USB1: variants seen among roughly 807,000 people sequenced by gnomAD.
USB1 encodes U6 snRNA biogenesis phosphodiesterase 1.
USB1 carries 21 observed loss-of-function variants against 29.9 expected under a neutral mutation model. The observed-to-expected ratio is 0.70, with a 90% CI of 0.50 to 1.01. The LOEUF (loss-of-function observed/expected upper bound fraction) is 1.01. USB1 is among the 50% of genes least tolerant of loss of function. The probability of loss-of-function intolerance (pLI) is 0.00; values close to 1 mark genes in which losing one functional copy is unlikely to be tolerated. For synonymous variants in USB1, 143 were observed against 134.9 expected, an observed-to-expected ratio of 1.06 and a Z score of -0.42; for missense variants, 330 against 347.1, an observed-to-expected ratio of 0.95 and a Z score of 0.39.
chr16:58,010,838 G>C (rs150856515), intron 3 of USB1: 10 of 601,060 alleles, frequency 1.7e-5, no homozygotes, highest in Non-Finnish European at 3.0e-5. Flanking sequence ...ACATGGGTGC[G>C]TTCTTAATCA....
intron 3 of USB1, chr16:58,011,359 C>T: frequency 8.0e-7 from 1 of 1,251,120 alleles, no homozygotes; most frequent in Non-Finnish European, 1.0e-6. Context: ...AGTACCAGAC[C>T]CCACTTCTGG....
At chr16:58,009,454 T>C (rs1320826641) in intron 2 of USB1, among the ~76,000 whole-genome samples, 3 of 152,128 alleles carry the variant, frequency 2.0e-5, no homozygotes, top group Non-Finnish European at 4.4e-5. Context: ...GCGCAGTGGC[T>C]CACGCCTGTA....
In USB1 at chr16:58,021,408, C is replaced by T. The variant is rs1963736490; in HGVS notation, c.*1163C>T. On this transcript the variant is annotated 3_prime_UTR_variant, in exon 7 of 7. Coordinates refer to ENST00000219281, the MANE Select transcript of USB1 (RefSeq NM_024598.4). ...ACAGCCCGGGTTCTCCTGCTGCCTC[C>T]TGCCTGCTGCAGCTGCAGGCATTCT... 6.6e-6 allele frequency: 1 copy of T among 152,286 alleles called. No individual in the cohort carries two copies. The highest frequency in any genetic ancestry group is 2.1e-4 in the South Asian group (1 of 4,834). 9.4% of individuals were successfully genotyped at this position (152,286 alleles called of 1,614,324 possible).
chr16:58,011,005 T>C lies in USB1; in HGVS notation c.449+893T>C, dbSNP rs1426041656. On this transcript the variant is annotated intron_variant, in intron 3 of 6. Transcript: ENST00000219281. ...CCCAGCTTCTAATCATGCCTTGCTCTTTCTGTGATCAGCCCCCATCCAGGA... is the reference window on the plus strand; with the variant it reads ...CCCAGCTTCTAATCATGCCTTGCTCCTTCTGTGATCAGCCCCCATCCAGGA... 5 of 706,534 alleles carry C rather than the reference T, an allele frequency of 7.1e-6. No homozygotes were observed. The East Asian group carries it at 1.1e-4, about 15-fold the overall frequency. 43.8% of individuals were successfully genotyped at this position (706,534 alleles called of 1,614,324 possible).
At chr16:58,001,769 T>C (rs566220516) in intron 1 of USB1, among the ~76,000 whole-genome samples, 188 bp downstream of exon 1, 33 of 106,850 alleles carry the variant, frequency 3.1e-4, no homozygotes, top group African/African-American at 1.2e-3. Context: ...AGCTCCAGAG[T>C]GGCCCCACCT....
rs1030681511 is a variant in USB1, at chr16:58,020,471, TCTCTCTTCCTCTC to T, written c.*240_*252del. Reference sequence around the variant, plus strand: ...TCTTCTCCTCTCTTTCTCTCCTCTGTCTCTCTTCCTCTCCTCTCTTCCTCTCTTCTCTCTTCCT... The same window carrying T: ...TCTTCTCCTCTCTTTCTCTCCTCTGTCTCTCTTCCTCTCTTCTCTCTTCCT... On this transcript the variant is annotated 3_prime_UTR_variant, in exon 7 of 7. Transcript: ENST00000219281. 9 of 578,948 alleles carry T rather than the reference TCTCTCTTCCTCTC, an allele frequency of 1.6e-5. No individual in the cohort carries two copies. Among genetic ancestry groups the T allele is most frequent in the South Asian group, 5.9e-5 (3 of 50,666 alleles). 35.9% of individuals were successfully genotyped at this position (578,948 alleles called of 1,614,324 possible). A position where few individuals can be genotyped will look rare whatever the true frequency, so the allele number is the denominator to read the frequency against.
In USB1 at chr16:58,002,606, C is replaced by A. The variant is rs780752842; in HGVS notation, c.226C>A (p.His76Asn). 7.4e-6 allele frequency: 12 copies of A among 1,613,882 alleles called. No homozygotes were observed. In the African/African-American group the frequency reaches 1.2e-4, roughly 16 times the overall value. The change falls in exon 2 of 7, where the codon CAC (histidine) becomes AAC (asparagine). Residue 76 changes from histidine (H) to asparagine (N), a missense_variant. By Grantham distance (68) the His-to-Asn change is moderately conservative. Transcript: ENST00000219281. ...CGGGGGACGGGTGCGCACCTTCCCC[C>A]ACGAGCGAGGCAACTGGGCCACCCA... The part of the protein sequence containing the change: ...KHGGRVRTFP[H>N]ERGNWATHVY...
At chr16:58,011,626 C>T in intron 3 of USB1, 1 of 988,788 alleles carries the variant, frequency 1.0e-6, no homozygotes, top group Non-Finnish European at 1.2e-6. Context: ...ACACCTCCGT[C>T]CAGAGATCAG....
Position 58,002,545 on chromosome 16 carries a change from C to G in USB1, c.165C>G (p.Gly55=), listed in dbSNP as rs756831751. Residue 55 remains glycine, a synonymous_variant, in exon 2 of 7, where the codon GGC becomes GGG. Coordinates refer to ENST00000219281, the MANE Select transcript of USB1 (RefSeq NM_024598.4). ...VPDSVLNMFP[G]TEEGPEDDST... is the part of the protein sequence containing the mutation. ...ACAGTGTGCTGAACATGTTCCCGGG[C>G]ACCGAGGAGGGGCCTGAAGATGACA... The G allele has an allele frequency of 2.5e-6, 4 of 1,614,030 alleles. No homozygotes were observed. Among genetic ancestry groups the G allele is most frequent in the African/African-American group, 1.3e-5 (1 of 74,908 alleles).
chr16:58,017,174 G>C, intron 4 of USB1, 160 bp from the exon 5 acceptor site: 2 of 696,032 alleles, frequency 2.9e-6, no homozygotes, highest in South Asian at 1.6e-5. Flanking sequence ...TCTGAGGACT[G>C]AGAGAGTTGG....
chr16:58,005,883 A>G (rs1191594257), intron 2 of USB1, among the ~76,000 whole-genome samples: 1 of 152,160 alleles, frequency 6.6e-6, no homozygotes, highest in Non-Finnish European at 1.5e-5. Context: ...TAAACCCTGT[A>G]TCTTTAATTT....
intron 3 of USB1, 108 bp from the exon 4 acceptor site, chr16:58,014,165 C>G: frequency 1.1e-6 from 1 of 892,612 alleles, no homozygotes; most frequent in Non-Finnish European, 1.8e-6. Context: ...ATATGAAGTG[C>G]AAAATGAGTT....
Position 58,004,354 on chromosome 16 carries a change from C to T in USB1, c.265+1709C>T, listed in dbSNP as rs143467425. Reference sequence around the variant, plus strand: ...AACTGTTTTGATTGCTGTAACTTTACATAGTTAAGTCTCGAAGTTGGGTAG... The same window carrying T: ...AACTGTTTTGATTGCTGTAACTTTATATAGTTAAGTCTCGAAGTTGGGTAG... On this transcript the variant is annotated intron_variant, in intron 2 of 6. Transcript: ENST00000219281. 2.5e-3 allele frequency among the ~76,000 whole-genome samples: 383 copies of T among 152,308 alleles called. 1 individual carries two copies. Among genetic ancestry groups the T allele is most frequent in the Non-Finnish European group, 4.2e-3 (286 of 68,034 alleles).
At chr16:58,014,420 G>A in intron 4 of USB1, 94 bp downstream of exon 4, 1 of 1,183,470 alleles carries the variant, frequency 8.4e-7, no homozygotes, top group South Asian at 1.3e-5. Context: ...CCCATTTTTT[G>A]TTTGCTTTTA....
In USB1 at chr16:58,020,498, T is replaced by TTCTCTCTTCCTCTCCTC. The variant is rs1392436597; in HGVS notation, c.*267_*283dup. On this transcript the variant is annotated 3_prime_UTR_variant, in exon 7 of 7. Coordinates refer to ENST00000219281, the MANE Select transcript of USB1 (RefSeq NM_024598.4). ...TCTCTTCCTCTCCTCTCTTCCTCTC[T>TTCTCTCTTCCTCTCCTC]TCTCTCTTCCTCTCCTCTCTCTCTT... 21 of 531,366 alleles carry TTCTCTCTTCCTCTCCTC rather than the reference T, an allele frequency of 4.0e-5. No homozygotes were observed. The highest frequency in any genetic ancestry group is 1.3e-4 in the Admixed American group (4 of 31,824). 32.9% of individuals were successfully genotyped at this position (531,366 alleles called of 1,614,324 possible).
intron 3 of USB1, chr16:58,011,461 C>G (rs1963494493): frequency 9.5e-7 from 1 of 1,056,022 alleles, no homozygotes; most frequent in Middle Eastern, 4.5e-4. Context: ...TCCTGCTAGA[C>G]TGGTCCAGAT....
At chr16:58,001,238 G>A (rs1404110757), upstream of USB1, 3 of 604,644 alleles carry the variant, frequency 5.0e-6, no homozygotes, top group Non-Finnish European at 5.9e-6. Flanking sequence ...ACGAAGGCTG[G>A]GGAGGTCCCA....
intron 2 of USB1, among the ~76,000 whole-genome samples, chr16:58,009,646 A>C (rs1963443324): frequency 6.6e-6 from 1 of 151,018 alleles, no homozygotes; most frequent in Non-Finnish European, 1.5e-5. Flanking sequence ...AATGGCATGA[A>C]CCCGGGAAAC....
intron 4 of USB1, among the ~76,000 whole-genome samples, 186 bp downstream of exon 4, chr16:58,014,512 G>A (rs1963570977): frequency 6.6e-6 from 1 of 152,258 alleles, no homozygotes; most frequent in Admixed American, 6.5e-5. Flanking sequence ...CCCAGGCACA[G>A]TAGCGCATGC....
Sources: gnomAD v4.1 joint callset for allele counts (sites outside exome capture counted in the v4.1 genomes callset) on GRCh38, gnomAD v4.1.1 for gene constraint, MANE v1.5 for transcripts, NCBI Gene and HGNC (gene_info 2026-07-23, HGNC 2026-07-21) for gene names.